Variants in TNFSF4 observed in about 807,000 individuals in gnomAD.
TNFSF4 encodes the protein TNF superfamily member 4, also known as tumor necrosis factor ligand superfamily member 4.
Under a neutral mutation model 7.3 loss-of-function variants are expected in TNFSF4, and 4 were observed. The ratio of observed to expected loss-of-function variants is 0.55; its 90% CI spans 0.27 to 1.25. TNFSF4 has a LOEUF of 1.25. TNFSF4 is among the 50% of genes most tolerant of loss of function. The pLI, the probability that TNFSF4 is intolerant of heterozygous loss-of-function variation, is 0.12. For missense variants in TNFSF4, 181 were observed against 208.8 expected (o/e 0.87, Z 0.82); for synonymous variants, 76 against 83.7 (o/e 0.91, Z 0.50).
At chr1:173,427,355 G>A in the TNFSF4 span, among the ~76,000 whole-genome samples, 1 of 152,114 alleles carries the variant, frequency 6.6e-6, no homozygotes, top group East Asian at 1.9e-4. Context: ...GCTGCTACTG[G>A]TATCTAGTGG....
the TNFSF4 span, among the ~76,000 whole-genome samples, chr1:173,345,098 G>A: frequency 6.6e-6 from 1 of 152,260 alleles, no homozygotes; most frequent in South Asian, 2.1e-4. Context: ...CGAAAAACTA[G>A]GCAGAGGTAA....
At chr1:173,363,074 G>T in the TNFSF4 span, 1 of 353,298 alleles carries the variant, frequency 2.8e-6, no homozygotes, top group South Asian at 3.1e-5. Context: ...GCCTTAGTTT[G>T]TACATGTTTC....
the TNFSF4 span, among the ~76,000 whole-genome samples, chr1:173,371,587 A>G: frequency 4.6e-5 from 7 of 152,188 alleles, no homozygotes; most frequent in Admixed American, 2.0e-4. Flanking sequence ...ATTGTCAGAC[A>G]TTTAAAAGTT....
the TNFSF4 span, among the ~76,000 whole-genome samples, chr1:173,341,334 A>G: frequency 1.3e-5 from 2 of 152,214 alleles, no homozygotes; most frequent in African/African-American, 4.8e-5. Context: ...CTATGAAAGA[A>G]GACAGAGGAG....
chr1:173,308,130 G>A, the TNFSF4 span, among the ~76,000 whole-genome samples: 1 of 151,772 alleles, frequency 6.6e-6, no homozygotes, highest in Non-Finnish European at 1.5e-5. Flanking sequence ...AGCAATATGT[G>A]TTGCAAATAT....
At chr1:173,258,640 C>T in the TNFSF4 span, among the ~76,000 whole-genome samples, 4 of 152,122 alleles carry the variant, frequency 2.6e-5, no homozygotes, top group Non-Finnish European at 5.9e-5. Context: ...CTGCTGTCAC[C>T]GTGGCTCCAG....
chr1:173,321,701 A>C, the TNFSF4 span, among the ~76,000 whole-genome samples: 1 of 152,216 alleles, frequency 6.6e-6, no homozygotes, highest in African/African-American at 2.4e-5. Flanking sequence ...TTATGCAGCC[A>C]ATAGATATAA....
At chr1:173,400,019 C>A in the TNFSF4 span, among the ~76,000 whole-genome samples, 1 of 152,244 alleles carries the variant, frequency 6.6e-6, no homozygotes, top group Non-Finnish European at 1.5e-5. Context: ...GGAATAGACA[C>A]TCTGGATGCG....
chr1:173,254,855 G>T, the TNFSF4 span, among the ~76,000 whole-genome samples: 1 of 152,158 alleles, frequency 6.6e-6, no homozygotes, highest in Admixed American at 6.5e-5. Flanking sequence ...CATAGAAAAT[G>T]GAATCATAAA....
the TNFSF4 span, among the ~76,000 whole-genome samples, chr1:173,300,099 GTAGATAGATAGAT>G: frequency 6.8e-6 from 1 of 147,746 alleles, no homozygotes; most frequent in African/African-American, 2.5e-5. Flanking sequence ...AAAATAGATG[GTAGATAGATAGAT>G]AGATAGATAG....
the TNFSF4 span, among the ~76,000 whole-genome samples, chr1:173,289,582 G>C: frequency 2.6e-5 from 4 of 151,902 alleles, no homozygotes; most frequent in African/African-American, 9.7e-5. Flanking sequence ...AGCCAGCAGG[G>C]GGAAAAGTCA....
chr1:173,433,049 A>G, the TNFSF4 span, among the ~76,000 whole-genome samples: 4 of 152,204 alleles, frequency 2.6e-5, no homozygotes, highest in African/African-American at 4.8e-5. Context: ...AGATTAACTC[A>G]ATGTTTATTG....
At chr1:173,279,429 T>C in the TNFSF4 span, among the ~76,000 whole-genome samples, 2 of 152,096 alleles carry the variant, frequency 1.3e-5, no homozygotes, top group African/African-American at 2.4e-5. Context: ...TTCAATTCTG[T>C]CTTTATGTTG....
the TNFSF4 span, among the ~76,000 whole-genome samples, chr1:173,176,272 A>T: frequency 3.3e-5 from 5 of 152,178 alleles, no homozygotes; most frequent in Admixed American, 3.3e-4. Flanking sequence ...GACAAAAAAA[A>T]ATTAACCAAG....
the TNFSF4 span, among the ~76,000 whole-genome samples, chr1:173,422,326 G>GGA: frequency 4.5e-5 from 4 of 89,046 alleles, no homozygotes; most frequent in Non-Finnish European, 6.1e-5. Flanking sequence ...TGCCCAGAGT[G>GGA]AAAAAAAAAA....
At chr1:173,226,739 G>C in the TNFSF4 span, among the ~76,000 whole-genome samples, 1 of 152,136 alleles carries the variant, frequency 6.6e-6, no homozygotes, top group Non-Finnish European at 1.5e-5. Flanking sequence ...TTCTTCAGCT[G>C]TTAACTGAAC....
chr1:173,331,387 A>G, the TNFSF4 span, among the ~76,000 whole-genome samples: 1 of 152,214 alleles, frequency 6.6e-6, no homozygotes, highest in African/African-American at 2.4e-5. Flanking sequence ...TGTTATCACA[A>G]TGACGCATCT....
At chr1:173,256,888 C>G in the TNFSF4 span, among the ~76,000 whole-genome samples, 1 of 152,226 alleles carries the variant, frequency 6.6e-6, no homozygotes, top group Non-Finnish European at 1.5e-5. Context: ...GAATTCATAG[C>G]TCTTCAAACA....
At chr1:173,404,751 C>A in the TNFSF4 span, among the ~76,000 whole-genome samples, 1 of 152,050 alleles carries the variant, frequency 6.6e-6, no homozygotes, top group Non-Finnish European at 1.5e-5. Context: ...TCTGCCTCAG[C>A]CTCCCAAGTA....
Sources: gnomAD v4.1 joint callset for allele counts (sites outside exome capture counted in the v4.1 genomes callset) on GRCh38, gnomAD v4.1.1 for gene constraint, MANE v1.5 for transcripts, NCBI Gene and HGNC (gene_info 2026-07-23, HGNC 2026-07-21) for gene names.